The following FLT4 variants were observed in gnomAD, a reference collection of about 807,000 sequenced individuals.
FLT4 encodes the protein vascular endothelial growth factor receptor 3.
Under a neutral mutation model 163.2 loss-of-function variants are expected in FLT4, and 30 were observed. The observed-to-expected ratio is 0.18, with a 90% CI of 0.14 to 0.25. The LOEUF is 0.25. FLT4 is among the 10% of genes least tolerant of loss of function. The probability of loss-of-function intolerance (pLI) is 1.00; values close to 1 mark genes in which losing one functional copy is unlikely to be tolerated. For missense variants in FLT4, 1,510 were observed against 1,863.8 expected (o/e 0.81, Z 3.50); for synonymous variants, 884 against 789.5 (o/e 1.12, Z -2.01).
At chr5:180,634,209 G>A (rs974073439) in intron 1 of FLT4, among the ~76,000 whole-genome samples, 4 of 152,182 alleles carry the variant, frequency 2.6e-5, no homozygotes, top group Non-Finnish European at 4.4e-5. Flanking sequence ...TTTCCCTCCC[G>A]AGGGCCTCCC....
chr5:180,625,506 C>T (rs1194121743), intron 10 of FLT4, among the ~76,000 whole-genome samples: 4 of 152,242 alleles, frequency 2.6e-5, no homozygotes, highest in African/African-American at 7.2e-5. Context: ...CCCCCAGGTC[C>T]CCACCCCGCT....
At chr5:180,626,707 C>T (rs919725872) in intron 8 of FLT4, among the ~76,000 whole-genome samples, 1 of 152,216 alleles carries the variant, frequency 6.6e-6, no homozygotes, top group Non-Finnish European at 1.5e-5. Flanking sequence ...GAGACCCCGT[C>T]CTCTTTCTTA....
intron 1 of FLT4, among the ~76,000 whole-genome samples, chr5:180,644,345 G>A (rs1390133078): frequency 3.9e-5 from 6 of 152,212 alleles, no homozygotes; most frequent in Admixed American, 3.3e-4. Context: ...GCGTGTGGTG[G>A]ACCTGGGGGA....
chr5:180,623,785 G>T lies in FLT4; in HGVS notation c.1548+150C>A. 1.1e-6 allele frequency: 1 copy of T among 933,696 alleles called. No individual in the cohort carries two copies. Among genetic ancestry groups the T allele is most frequent in the Non-Finnish European group, 1.7e-6 (1 of 585,546 alleles). 57.8% of individuals were successfully genotyped at this position (933,696 alleles called of 1,614,324 possible). ...CTCTGACCTTTCTGCAGGCAGGGTG[G>T]CCGAGGCCTACAGACTGCAGGAAGG... is the stretch of plus-strand genomic sequence containing the variant. On this transcript the variant is annotated intron_variant, in intron 11 of 29. Transcript: ENST00000261937. The surrounding 1 kb of genome is among the most constrained non-coding windows in gnomAD (Gnocchi z 5.8).
In FLT4 at chr5:180,644,270, G is replaced by A. The variant is rs370325655; in HGVS notation, c.58+5218C>T. On this transcript the variant is annotated intron_variant, in intron 1 of 29. Coordinates refer to ENST00000261937, the MANE Select transcript of FLT4 (RefSeq NM_182925.5). ...ATAGTATGTGTGGGCAGGTGTAGGC[G>A]TGAGCGGAAAGAGGGCACAGGGTAC... Among the ~76,000 whole-genome samples, 104 of 152,364 alleles carry A rather than the reference G, an allele frequency of 6.8e-4. No homozygotes were observed. The South Asian group carries it at 0.017, about 25-fold the overall frequency.
At chr5:180,644,096 C>G (rs114209488) in intron 1 of FLT4, among the ~76,000 whole-genome samples, 14 of 152,206 alleles carry the variant, frequency 9.2e-5, no homozygotes, top group African/African-American at 3.1e-4. Flanking sequence ...GGATTACAGG[C>G]GTGAGCCACC....
chr5:180,605,976 G>A (rs951357145), intron 29 of FLT4, among the ~76,000 whole-genome samples: 4 of 152,184 alleles, frequency 2.6e-5, no homozygotes, highest in African/African-American at 9.7e-5. Flanking sequence ...GAAGGACTAG[G>A]CAGATAGATT....
chr5:180,621,073 G>T, intron 14 of FLT4, 33 bp downstream of exon 14: 1 of 1,612,596 alleles, frequency 6.2e-7, no homozygotes, highest in Non-Finnish European at 8.5e-7. Context: ...GCGGGCCTCC[G>T]GACCTGCCCT....
At chr5:180,615,443 C>G (rs914273908) in intron 23 of FLT4, among the ~76,000 whole-genome samples, 3 of 11,364 alleles carry the variant, frequency 2.6e-4, no homozygotes, top group South Asian at 3.7e-3. Flanking sequence ...GAGCACTGGG[C>G]CCGCCGGTCA....
Position 180,630,113 on chromosome 5 carries a change from G to A in FLT4, c.514-8C>T, listed in dbSNP as rs1763971343. The A allele has an allele frequency of 2.5e-6, 4 of 1,587,078 alleles. No homozygotes were observed. The highest frequency in any genetic ancestry group is 3.4e-6 in the Non-Finnish European group (4 of 1,165,720). Reference sequence around the variant, plus strand: ...CCACAGCACCGAGCTTTGCTGGAGGGACAAGGCCACCATCATTGCCCAGCT... The same window carrying A: ...CCACAGCACCGAGCTTTGCTGGAGGAACAAGGCCACCATCATTGCCCAGCT... On this transcript the variant is annotated splice_polypyrimidine_tract_variant and splice_region_variant and intron_variant, in intron 4 of 29. Transcript: ENST00000261937. The surrounding 1 kb of genome is among the most constrained non-coding windows in gnomAD (Gnocchi z 6.3).
Position 180,634,023 on chromosome 5 carries a change from T to A in FLT4, c.59-2245A>T, listed in dbSNP as rs372362537. ...TGTCAGCCCAGCTTCCTCTGATGGC[T>A]CCCCTCTGTTCCCAAGATAAAGCAA... On this transcript the variant is annotated intron_variant, in intron 1 of 29. Coordinates refer to ENST00000261937, the MANE Select transcript of FLT4 (RefSeq NM_182925.5). Among the ~76,000 whole-genome samples, 147 of 152,200 alleles carry A rather than the reference T, an allele frequency of 9.7e-4. 3 individuals carry two copies. The Middle Eastern group carries it at 0.02, about 21-fold the overall frequency.
intron 29 of FLT4, 70 bp downstream of exon 29, chr5:180,608,898 C>G: frequency 7.5e-7 from 1 of 1,335,260 alleles, no homozygotes. Flanking sequence ...CACACCCAGA[C>G]CCCAGCCTCC....
intron 29 of FLT4, chr5:180,608,301 C>A (rs1173740926): frequency 4.3e-6 from 3 of 700,750 alleles, no homozygotes; most frequent in Non-Finnish European, 7.8e-6. Flanking sequence ...GGGAAGGGCC[C>A]CGTCCCATGA....
chr5:180,631,211 C>T (rs1162953593), intron 2 of FLT4, among the ~76,000 whole-genome samples: 2 of 151,966 alleles, frequency 1.3e-5, no homozygotes, highest in African/African-American at 4.8e-5. Flanking sequence ...CAGTGGCTCA[C>T]GCCTGTAATC....
In FLT4 at chr5:180,618,709, G is replaced by C. The variant is rs1477859876; in HGVS notation, c.3001+61C>G. The stretch of plus-strand genomic sequence containing the variant: ...CTGAGGACCCCAGGCTGGGGTGCCT[G>C]ATCACGGGATATAACCGGGCCCGTC... On this transcript the variant is annotated intron_variant, in intron 21 of 29. Coordinates refer to ENST00000261937, the MANE Select transcript of FLT4 (RefSeq NM_182925.5). 12 of 1,095,646 alleles carry C rather than the reference G, an allele frequency of 1.1e-5. No individual in the cohort carries two copies. The South Asian group carries it at 1.6e-4, about 14-fold the overall frequency. The allele number at this position is 1,095,646 out of a possible 1,614,324, so 67.9% of individuals were successfully genotyped here. A position where few individuals can be genotyped will look rare whatever the true frequency, so the allele number is the denominator to read the frequency against.
At position 180,616,779 on chromosome 5, in the gene FLT4, A is replaced by T. The variant is rs1321636433; in HGVS notation, c.3096+121T>A. 10 of 905,218 alleles carry T rather than the reference A, an allele frequency of 1.1e-5. No individual in the cohort carries two copies. In the East Asian group the frequency reaches 2.2e-4, roughly 20 times the overall value. 56.1% of individuals were successfully genotyped at this position (905,218 alleles called of 1,614,324 possible). A position where few individuals can be genotyped will look rare whatever the true frequency, so the allele number is the denominator to read the frequency against. ...TTGGGCAGAGTTTCCTCCTCTGCAA[A>T]GTGGGAGAGACACTGATGGACCACA... On this transcript the variant is annotated intron_variant, in intron 22 of 29. Transcript: ENST00000261937.
At chr5:180,603,680 G>A (rs1046682251) in intron 29 of FLT4, among the ~76,000 whole-genome samples, 17 of 152,148 alleles carry the variant, frequency 1.1e-4, no homozygotes, top group South Asian at 2.1e-4. Context: ...CGAGGCGGGC[G>A]GATCACGAGG....
Position 180,629,357 on chromosome 5 carries a change from G to A in FLT4, c.887C>T (p.Thr296Ile). ...QTHTELSSIL[T>I]IHNVSQHDLG... The stretch of plus-strand genomic sequence containing the variant: ...GTCGTGCTGGCTGACGTTGTGGATG[G>A]TCAGGATGCTGGAGAGTTCTGTGTG... The change falls in exon 7 of 30, where the codon ACC becomes ATC. Residue 296 changes from threonine to isoleucine, a missense_variant. By Grantham distance (89) the Thr-to-Ile change is moderately conservative. Coordinates refer to ENST00000261937, the MANE Select transcript of FLT4 (RefSeq NM_182925.5). 6.2e-7 allele frequency: 1 copy of A among 1,613,046 alleles called. No homozygotes were observed. Among genetic ancestry groups the A allele is most frequent in the Non-Finnish European group, 8.5e-7 (1 of 1,179,992 alleles).
chr5:180,645,909 G>C (rs1030123576), intron 1 of FLT4, among the ~76,000 whole-genome samples: 26 of 152,086 alleles, frequency 1.7e-4, no homozygotes, highest in African/African-American at 6.0e-4. Flanking sequence ...CCCTCTCCCT[G>C]CCCACCCCCA....
Sources: allele counts gnomAD v4.1 joint callset (sites outside exome capture counted in the v4.1 genomes callset), GRCh38; gene constraint gnomAD v4.1.1; non-coding constraint Gnocchi (gnomAD v3.1); transcripts MANE v1.5; gene names NCBI Gene and HGNC (gene_info 2026-07-23, HGNC 2026-07-21).